Variants in COL13A1 observed in about 807,000 individuals in gnomAD.
COL13A1 encodes the protein collagen alpha-1(XIII) chain.
A neutral mutation model predicts 130.9 loss-of-function variants in COL13A1; 89 were observed. That is an observed-to-expected ratio of 0.68 (90% CI 0.57 to 0.81). The LOEUF is 0.81. Among genes scored for constraint, COL13A1 ranks in the 30% least tolerant of loss-of-function variants. The pLI, the probability that COL13A1 is intolerant of heterozygous loss-of-function variation, is 0.00. For missense variants in COL13A1, 879 were observed against 934.6 expected, an observed-to-expected ratio of 0.94 and a Z score of 0.78; for synonymous variants, 402 against 341.6, an observed-to-expected ratio of 1.18 and a Z score of -1.95.
intron 2 of COL13A1, among the ~76,000 whole-genome samples, chr10:69,823,440 T>C (rs940483504): frequency 7.2e-5 from 11 of 152,158 alleles, no homozygotes; most frequent in East Asian, 1.9e-4. Flanking sequence ...AGAGTTTTGG[T>C]CCGCTACTGG....
intron 31 of COL13A1, among the ~76,000 whole-genome samples, chr10:69,934,853 T>G (rs1168678095): frequency 6.6e-6 from 1 of 152,228 alleles, no homozygotes; most frequent in Admixed American, 6.5e-5. Context: ...AACCAATCTC[T>G]GCTTCTCTAA....
chr10:69,832,475 A>G (rs1003959381), intron 2 of COL13A1, among the ~76,000 whole-genome samples: 3 of 152,258 alleles, frequency 2.0e-5, no homozygotes, highest in African/African-American at 7.2e-5. Context: ...TGGAGATACA[A>G]ATGGAGAATA....
At chr10:69,911,495 A>G (rs1313167622) in intron 17 of COL13A1, among the ~76,000 whole-genome samples, 1 of 152,240 alleles carries the variant, frequency 6.6e-6, no homozygotes, top group African/African-American at 2.4e-5. Context: ...TAGAGAAGCC[A>G]GGTCTGTGTG....
chr10:69,882,244 G>A (rs1360570015), intron 7 of COL13A1, among the ~76,000 whole-genome samples: 1 of 152,166 alleles, frequency 6.6e-6, no homozygotes, highest in East Asian at 1.9e-4. Flanking sequence ...CTGCCTTCTG[G>A]TCTGGCTACT....
At chr10:69,857,239 A>C (rs1856691475) in intron 2 of COL13A1, among the ~76,000 whole-genome samples, 1 of 152,178 alleles carries the variant, frequency 6.6e-6, no homozygotes, top group Admixed American at 6.5e-5. Flanking sequence ...AAAATGTGCA[A>C]TTTGTCCCAA....
At chr10:69,947,167 C>A in intron 37 of COL13A1, 140 bp from the exon 38 acceptor site, 1 of 742,082 alleles carries the variant, frequency 1.3e-6, no homozygotes, top group Non-Finnish European at 2.3e-6. Context: ...TTCTCTGTCC[C>A]CTTTCCGTGT....
At chr10:69,817,576 G>A (rs756948300) in intron 1 of COL13A1, among the ~76,000 whole-genome samples, 11 of 152,056 alleles carry the variant, frequency 7.2e-5, no homozygotes, top group African/African-American at 1.2e-4. Flanking sequence ...GAGGTTGTGT[G>A]TTTCTCCCGC....
chr10:69,824,126 C>T (rs1296556821), intron 2 of COL13A1: 2 of 472,314 alleles, frequency 4.2e-6, no homozygotes, highest in Non-Finnish European at 4.4e-6. Context: ...ATTTAACCTC[C>T]TTGTGCCTCA....
chr10:69,915,042 G>A (rs535002019), intron 17 of COL13A1, among the ~76,000 whole-genome samples: 27 of 152,358 alleles, frequency 1.8e-4, no homozygotes, highest in Admixed American at 2.0e-4. Context: ...TGATACTTGG[G>A]TTGGCCAAGA....
At chr10:69,921,818 GT>G in intron 21 of COL13A1, 63 bp from the exon 22 acceptor site, 6 of 1,560,754 alleles carry the variant, frequency 3.8e-6, no homozygotes, top group Non-Finnish European at 5.2e-6. Context: ...TGTGGAGCTG[GT>G]GGCTTCCCAA....
intron 32 of COL13A1, 50 bp from the exon 33 acceptor site, chr10:69,936,706 T>G (rs2066965537): frequency 6.2e-7 from 1 of 1,610,882 alleles, no homozygotes; most frequent in Non-Finnish European, 8.5e-7. Flanking sequence ...TAGGCAGTTG[T>G]GTTAACTAGA....
At chr10:69,924,858 G>C (rs537633977) in intron 24 of COL13A1, 105 bp from the exon 25 acceptor site, 5 of 1,148,788 alleles carry the variant, frequency 4.4e-6, no homozygotes, top group South Asian at 3.8e-5. Context: ...TATGGACTAA[G>C]AGCTAAGATG....
intron 24 of COL13A1, among the ~76,000 whole-genome samples, chr10:69,924,493 T>A (rs1054249784): frequency 1.3e-5 from 2 of 151,946 alleles, no homozygotes; most frequent in Admixed American, 6.6e-5. Flanking sequence ...CTCCTGGCCC[T>A]CCACATTTCA....
At chr10:69,808,654 A>C (rs751254866) in intron 1 of COL13A1, among the ~76,000 whole-genome samples, 1 of 152,176 alleles carries the variant, frequency 6.6e-6, no homozygotes, top group Non-Finnish European at 1.5e-5. Flanking sequence ...ACATTGTACA[A>C]CGGTCTCTCC....
intron 17 of COL13A1, among the ~76,000 whole-genome samples, chr10:69,907,755 A>G (rs2062931398): frequency 6.6e-6 from 1 of 152,218 alleles, no homozygotes; most frequent in Admixed American, 6.5e-5. Flanking sequence ...CACACCCATG[A>G]TAACTAACCC....
chr10:69,856,928 C>T (rs772280223), intron 2 of COL13A1, among the ~76,000 whole-genome samples: 35 of 152,206 alleles, frequency 2.3e-4, no homozygotes, highest in Non-Finnish European at 4.6e-4. Flanking sequence ...CAAAGTGCAA[C>T]GGGCAAGGCT....
intron 1 of COL13A1, among the ~76,000 whole-genome samples, chr10:69,818,603 G>T (rs1845222451): frequency 6.6e-6 from 1 of 152,234 alleles, no homozygotes; most frequent in African/African-American, 2.4e-5. Flanking sequence ...AAAGCCAGTG[G>T]TGTAGCTCCA....
chr10:69,880,406 C>G, intron 6 of COL13A1, 97 bp from the exon 7 acceptor site: 1 of 767,964 alleles, frequency 1.3e-6, no homozygotes, highest in Admixed American at 2.0e-5. Flanking sequence ...CTCCTGGCCC[C>G]CTGCCAGCTC....
At chr10:69,863,478 C>T (rs1008017174) in intron 2 of COL13A1, among the ~76,000 whole-genome samples, 10 of 152,070 alleles carry the variant, frequency 6.6e-5, no homozygotes, top group African/African-American at 2.4e-4. Flanking sequence ...GGGCTAGGAC[C>T]CCAGCTTCTA....
Sources: gnomAD v4.1 joint callset for allele counts (sites outside exome capture counted in the v4.1 genomes callset) on GRCh38, gnomAD v4.1.1 for gene constraint, MANE v1.5 for transcripts, NCBI Gene and HGNC (gene_info 2026-07-23, HGNC 2026-07-21) for gene names.